Variants in FILIP1L observed in about 807,000 individuals in gnomAD.
The protein encoded by FILIP1L is filamin A interacting protein 1 like.
Under a neutral mutation model 96.6 loss-of-function variants are expected in FILIP1L, and 55 were observed. That is an observed-to-expected ratio of 0.57 (90% confidence interval 0.46 to 0.71). FILIP1L has a LOEUF of 0.71. Ranked by LOEUF, FILIP1L falls within the 30% of genes least tolerant of loss-of-function variation. The pLI, the probability that FILIP1L is intolerant of heterozygous loss-of-function variation, is 0.00. For synonymous variants in FILIP1L, 467 were observed against 473.9 expected (o/e 0.99, Z 0.19); for missense variants, 1,304 against 1,321.2 (o/e 0.99, Z 0.20).
Position 99,848,603 on chromosome 3 carries a change from T to G in FILIP1L, c.3073A>C (p.Ile1025Leu), listed in dbSNP as rs1294455645. The change falls in exon 5 of 6, where the codon ATC (isoleucine) becomes CTC (leucine). Residue 1025 changes from isoleucine to leucine, a missense_variant. By Grantham distance (5) the Ile-to-Leu change is conservative. Transcript: ENST00000477258. ...EQGRSPEPTE[I>L]SAKHAIFRVS... Reference sequence around the variant, plus strand: ...CTGAATATCGCATGCTTGGCACTGATTTCTGTTGGTTCTGGGGAGCGTCCC... The same window carrying G: ...CTGAATATCGCATGCTTGGCACTGAGTTCTGTTGGTTCTGGGGAGCGTCCC... 4 of 1,614,012 alleles carry G rather than the reference T, an allele frequency of 2.5e-6. No homozygotes were observed. Among genetic ancestry groups the G allele is most frequent in the Non-Finnish European group, 3.4e-6 (4 of 1,180,024 alleles).
At chr3:99,995,911 T>C (rs1186567745) in intron 1 of FILIP1L, among the ~76,000 whole-genome samples, 1 of 152,204 alleles carries the variant, frequency 6.6e-6, no homozygotes, top group Non-Finnish European at 1.5e-5. Flanking sequence ...CGTAGGCCTC[T>C]GGGCTGATGA....
At chr3:99,997,946 T>A (rs1478537855) in intron 1 of FILIP1L, among the ~76,000 whole-genome samples, 1 of 152,178 alleles carries the variant, frequency 6.6e-6, no homozygotes, top group African/African-American at 2.4e-5. Context: ...ACATCAAGAA[T>A]CAAGATCAAG....
chr3:99,881,178 T>C lies in FILIP1L; in HGVS notation c.606-30108A>G, dbSNP rs369982213. Among the ~76,000 whole-genome samples, 6 of 152,316 alleles carry C rather than the reference T, an allele frequency of 3.9e-5. No homozygotes were observed. The East Asian group carries it at 9.6e-4, about 24-fold the overall frequency. On this transcript the variant is annotated intron_variant, in intron 4 of 5. Coordinates refer to ENST00000477258, the MANE Select transcript of FILIP1L (RefSeq NM_001387850.1). ...AGTTGGCTATGGACTCTAGTGAGCA[T>C]ACTAGTAGGTAAGTAGAATGACTTA... is the stretch of plus-strand genomic sequence containing the variant.
intron 1 of FILIP1L, among the ~76,000 whole-genome samples, chr3:99,943,764 A>G (rs1020586810): frequency 2.0e-5 from 3 of 152,224 alleles, no homozygotes; most frequent in Non-Finnish European, 4.4e-5. Context: ...TATAATCCAA[A>G]TATAAGCAAA....
intron 4 of FILIP1L, among the ~76,000 whole-genome samples, chr3:99,876,365 C>T (rs1183985632): frequency 2.0e-5 from 3 of 152,004 alleles, no homozygotes; most frequent in Admixed American, 1.3e-4. Flanking sequence ...GTTCCCGGCT[C>T]CCAGCGGAGG....
intron 1 of FILIP1L, among the ~76,000 whole-genome samples, chr3:99,983,922 C>T (rs1394892585): frequency 6.6e-6 from 1 of 151,920 alleles, no homozygotes; most frequent in Non-Finnish European, 1.5e-5. Flanking sequence ...TAGAGGAAGG[C>T]CAAGAGAGGA....
intron 1 of FILIP1L, among the ~76,000 whole-genome samples, chr3:100,091,389 TA>T: frequency 1.3e-5 from 2 of 152,310 alleles, no homozygotes; most frequent in East Asian, 3.9e-4. Context: ...AATGTTTTAA[TA>T]AATGAACTTT....
At chr3:99,972,936 C>G (rs1047349625) in intron 1 of FILIP1L, among the ~76,000 whole-genome samples, 1 of 152,146 alleles carries the variant, frequency 6.6e-6, no homozygotes, top group Non-Finnish European at 1.5e-5. Context: ...AACACATCAG[C>G]AAAGAGCATC....
Position 100,027,578 on chromosome 3 carries a change from C to T in FILIP1L, c.-11+86475G>A, listed in dbSNP as rs114472879. 4.2e-3 allele frequency among the ~76,000 whole-genome samples: 645 copies of T among 152,276 alleles called. 4 individuals carry two copies. Among genetic ancestry groups the T allele is most frequent in the African/African-American group, 0.014 (599 of 41,558 alleles). On this transcript the variant is annotated intron_variant, in intron 1 of 5. Coordinates refer to ENST00000477258, the MANE Select transcript of FILIP1L (RefSeq NM_001387850.1). ...CCCTTCCATTCCCACATGTACCCTC[C>T]TACTTCCACCCTGCTCAACTTCGAT...
intron 1 of FILIP1L, among the ~76,000 whole-genome samples, chr3:100,091,112 C>T (rs1403712860): frequency 2.0e-5 from 3 of 151,208 alleles, no homozygotes; most frequent in Non-Finnish European, 4.4e-5. Flanking sequence ...GGTGAAACCC[C>T]GTCTCTACTA....
At chr3:99,983,800 G>T (rs546354471) in intron 1 of FILIP1L, among the ~76,000 whole-genome samples, 1 of 151,798 alleles carries the variant, frequency 6.6e-6, no homozygotes, top group African/African-American at 2.4e-5. Context: ...AGCAAGAAAA[G>T]TAAAATCAGA....
chr3:99,977,583 A>G (rs1021662681), intron 1 of FILIP1L, among the ~76,000 whole-genome samples: 2 of 152,218 alleles, frequency 1.3e-5, no homozygotes, highest in Admixed American at 6.5e-5. Context: ...TAGTGTCTCC[A>G]TGAAATAAAT....
At chr3:99,906,469 C>G (rs1026481177) in intron 4 of FILIP1L, among the ~76,000 whole-genome samples, 1 of 152,200 alleles carries the variant, frequency 6.6e-6, no homozygotes, top group African/African-American at 2.4e-5. Context: ...TTCTCCCAAT[C>G]TGTAACTTGC....
At chr3:100,011,327 T>C (rs1385840957) in intron 1 of FILIP1L, among the ~76,000 whole-genome samples, 1 of 152,112 alleles carries the variant, frequency 6.6e-6, no homozygotes. Flanking sequence ...AACCAAAACC[T>C]AAAAACCTCC....
intron 1 of FILIP1L, among the ~76,000 whole-genome samples, chr3:99,933,321 G>A (rs1034391205): frequency 4.3e-4 from 66 of 152,138 alleles, no homozygotes; most frequent in African/African-American, 1.6e-3. Context: ...GTTGTCACTG[G>A]CTCTTCCCTA....
chr3:99,865,330 T>G (rs1396724191), intron 4 of FILIP1L, among the ~76,000 whole-genome samples: 1 of 152,148 alleles, frequency 6.6e-6, no homozygotes, highest in African/African-American at 2.4e-5. Flanking sequence ...CTCACCCCAT[T>G]ACATACATCC....
At chr3:99,931,099 C>T in intron 1 of FILIP1L, 69 bp from the exon 2 acceptor site, 1 of 1,280,196 alleles carries the variant, frequency 7.8e-7, no homozygotes, top group Non-Finnish European at 1.1e-6. Context: ...CCTATTACTG[C>T]TTTAACAAGT....
At chr3:99,887,079 C>T (rs956698594) in intron 4 of FILIP1L, among the ~76,000 whole-genome samples, 2 of 151,654 alleles carry the variant, frequency 1.3e-5, no homozygotes, top group Non-Finnish European at 2.9e-5. Context: ...TGAGACCAGC[C>T]TGACCAACAT....
At chr3:99,861,771 A>T (rs1944269725) in intron 4 of FILIP1L, among the ~76,000 whole-genome samples, 1 of 152,154 alleles carries the variant, frequency 6.6e-6, no homozygotes, top group South Asian at 2.1e-4. Flanking sequence ...GACAGTGGAA[A>T]ACTATGAGAG....
Sources: allele counts gnomAD v4.1 joint callset (sites outside exome capture counted in the v4.1 genomes callset), GRCh38; gene constraint gnomAD v4.1.1; transcripts MANE v1.5; gene names NCBI Gene and HGNC (gene_info 2026-07-23, HGNC 2026-07-21).